ZCCHC7: variants seen among roughly 807,000 people sequenced by gnomAD.
ZCCHC7 encodes the protein zinc finger CCHC-type containing 7, also known as zinc finger CCHC domain-containing protein 7.
A neutral mutation model predicts 52.0 loss-of-function variants in ZCCHC7; 35 were observed. The ratio of observed to expected loss-of-function variants is 0.67; its 90% CI spans 0.51 to 0.89. The LOEUF is 0.89. Among genes scored for constraint, ZCCHC7 ranks in the 40% least tolerant of loss-of-function variants. The probability of loss-of-function intolerance (pLI) is 0.00; values close to 1 mark genes in which losing one functional copy is unlikely to be tolerated. For missense variants in ZCCHC7, 574 were observed against 649.1 expected (o/e 0.88, Z 1.26); for synonymous variants, 217 against 221.5 (o/e 0.98, Z 0.18).
At position 37,270,804 on chromosome 9, in the gene ZCCHC7, T is replaced by A. The variant is rs202224409; in HGVS notation, c.611-31384T>A. On this transcript the variant is annotated intron_variant, in intron 2 of 8. Coordinates refer to ENST00000336755, the MANE Select transcript of ZCCHC7 (RefSeq NM_032226.3). ...CATCATTGAAAGTAGTTTCCAGCAA[T>A]AATAAAAAAAAAAAATAGTAGTAGA... Among the ~76,000 whole-genome samples, 70 of 146,506 alleles carry A rather than the reference T, an allele frequency of 4.8e-4. 1 individual carries two copies. Among genetic ancestry groups the A allele is most frequent in the Non-Finnish European group, 5.7e-4 (38 of 66,696 alleles).
intron 2 of ZCCHC7, among the ~76,000 whole-genome samples, chr9:37,242,855 C>T (rs1206712098): frequency 6.6e-6 from 1 of 151,714 alleles, no homozygotes; most frequent in African/African-American, 2.4e-5. Flanking sequence ...TATATTTGAA[C>T]TTCAGGAAGC....
chr9:37,126,048 A>G (rs1212880462), intron 1 of ZCCHC7, among the ~76,000 whole-genome samples: 3 of 152,230 alleles, frequency 2.0e-5, no homozygotes, highest in African/African-American at 7.2e-5. Flanking sequence ...CACAGAACAA[A>G]GCATTTCTTA....
At chr9:37,285,671 A>G (rs540322381) in intron 2 of ZCCHC7, among the ~76,000 whole-genome samples, 2 of 152,338 alleles carry the variant, frequency 1.3e-5, no homozygotes, top group African/African-American at 2.4e-5. Flanking sequence ...TGCTGCTTAT[A>G]TAAATAGAAG....
intron 2 of ZCCHC7, chr9:37,205,238 A>G (rs1823841218): frequency 1.1e-5 from 4 of 372,480 alleles, no homozygotes; most frequent in East Asian, 7.5e-5. Context: ...CAGGTTTGCC[A>G]TGGTAACATT....
intron 2 of ZCCHC7, among the ~76,000 whole-genome samples, chr9:37,223,129 T>C (rs892872922): frequency 6.6e-6 from 1 of 151,840 alleles, no homozygotes; most frequent in Non-Finnish European, 1.5e-5. Flanking sequence ...GCCTATGAGG[T>C]AGCCCTGCTA....
At chr9:37,208,808 G>A (rs1296688323) in intron 2 of ZCCHC7, among the ~76,000 whole-genome samples, 1 of 151,928 alleles carries the variant, frequency 6.6e-6, no homozygotes, top group Middle Eastern at 3.2e-3. Flanking sequence ...AGCTAGAGAG[G>A]TCCTTTTAAC....
intron 2 of ZCCHC7, among the ~76,000 whole-genome samples, chr9:37,255,869 A>C (rs185951369): frequency 6.6e-6 from 1 of 152,306 alleles, no homozygotes; most frequent in East Asian, 1.9e-4. Flanking sequence ...GCCCAGCCAC[A>C]GATTCTTAAC....
chr9:37,267,024 A>G (rs1266375974), intron 2 of ZCCHC7, among the ~76,000 whole-genome samples: 1 of 152,208 alleles, frequency 6.6e-6, no homozygotes, highest in East Asian at 1.9e-4. Flanking sequence ...AGAGAGAGAG[A>G]GGTATACTAT....
chr9:37,234,103 A>T (rs558560309), intron 2 of ZCCHC7, among the ~76,000 whole-genome samples: 14 of 152,338 alleles, frequency 9.2e-5, no homozygotes, highest in African/African-American at 3.4e-4. Context: ...TCCTGACCTC[A>T]GGTGATCCAC....
chr9:37,186,091 G>A (rs1202719737), intron 2 of ZCCHC7, among the ~76,000 whole-genome samples: 1 of 152,092 alleles, frequency 6.6e-6, no homozygotes, highest in East Asian at 1.9e-4. Flanking sequence ...CTGGGATTTT[G>A]TGGGGTTGGG....
chr9:37,301,199 G>A (rs1829016377), intron 2 of ZCCHC7, among the ~76,000 whole-genome samples: 2 of 152,210 alleles, frequency 1.3e-5, no homozygotes, highest in Non-Finnish European at 2.9e-5. Flanking sequence ...GGGCCTGCAA[G>A]TTAACTGATA....
chr9:37,181,037 GGTATAA>G (rs1822323075), intron 2 of ZCCHC7, among the ~76,000 whole-genome samples: 1 of 151,874 alleles, frequency 6.6e-6, no homozygotes, highest in African/African-American at 2.4e-5. Context: ...ATACATTTTT[GGTATAA>G]GTATATTTGG....
At chr9:37,294,328 C>G (rs1348286596) in intron 2 of ZCCHC7, among the ~76,000 whole-genome samples, 1 of 152,080 alleles carries the variant, frequency 6.6e-6, no homozygotes, top group Non-Finnish European at 1.5e-5. Flanking sequence ...TGAGAAAGAT[C>G]CCAAGGGGTT....
At chr9:37,312,393 A>C (rs1829639052) in intron 5 of ZCCHC7, among the ~76,000 whole-genome samples, 1 of 152,230 alleles carries the variant, frequency 6.6e-6, no homozygotes, top group African/African-American at 2.4e-5. Context: ...GCCCTTGAGG[A>C]ACTCAGAGTA....
intron 2 of ZCCHC7, among the ~76,000 whole-genome samples, chr9:37,198,477 G>A (rs1481205024): frequency 6.6e-6 from 1 of 152,176 alleles, no homozygotes; most frequent in Non-Finnish European, 1.5e-5. Context: ...ACAACTTGCT[G>A]TTATCCCTTC....
intron 6 of ZCCHC7, among the ~76,000 whole-genome samples, chr9:37,339,195 C>G (rs754624977): frequency 6.6e-6 from 1 of 152,190 alleles, no homozygotes. Flanking sequence ...AAAAACAGCA[C>G]TCTTTTAAAA....
chr9:37,241,240 G>A (rs1448875955), intron 2 of ZCCHC7, among the ~76,000 whole-genome samples: 1 of 151,766 alleles, frequency 6.6e-6, no homozygotes, highest in Non-Finnish European at 1.5e-5. Flanking sequence ...TTAGAGCTGA[G>A]TATTTGGTGT....
At chr9:37,316,858 A>T (rs1313378458) in intron 5 of ZCCHC7, among the ~76,000 whole-genome samples, 1 of 137,988 alleles carries the variant, frequency 7.2e-6, no homozygotes, top group Admixed American at 7.3e-5. Context: ...GTGGGATTTC[A>T]CATAAGCCTC....
chr9:37,281,128 G>T (rs780678864), intron 2 of ZCCHC7, among the ~76,000 whole-genome samples: 7 of 152,110 alleles, frequency 4.6e-5, no homozygotes, highest in African/African-American at 1.7e-4. Flanking sequence ...GGTCCCTCCT[G>T]CTTCAGCCTC....
Sources: gnomAD v4.1 joint callset for allele counts (sites outside exome capture counted in the v4.1 genomes callset) on GRCh38, gnomAD v4.1.1 for gene constraint, MANE v1.5 for transcripts, NCBI Gene and HGNC (gene_info 2026-07-23, HGNC 2026-07-21) for gene names.